TRIL: variants seen among roughly 807,000 people sequenced by gnomAD.
The protein encoded by TRIL is TLR4 interactor with leucine rich repeats.
In TRIL, 23 loss-of-function variants were observed where a neutral mutation model predicts 43.0. The observed-to-expected ratio is 0.54, with a 90% confidence interval of 0.39 to 0.76. The LOEUF (loss-of-function observed/expected upper bound fraction) is 0.76, where lower values mean the gene tolerates loss of function less well. Ranked by LOEUF, TRIL falls within the 30% of genes least tolerant of loss-of-function variation. The pLI is 0.00. For synonymous variants in TRIL, 602 were observed against 556.8 expected, an observed-to-expected ratio of 1.08 and a Z score of -1.14; for missense variants, 1,114 against 1,139.3, an observed-to-expected ratio of 0.98 and a Z score of 0.32.
Position 28,956,039 on chromosome 7 carries a change from A to C in TRIL, c.2008T>G (p.Cys670Gly). The C allele has an allele frequency of 6.5e-7, 1 of 1,550,118 alleles. No homozygotes were observed. Among genetic ancestry groups the C allele is most frequent in the East Asian group, 2.4e-5 (1 of 41,422 alleles). ...CAGTGGTCCCGGGGAGCCACAGGGCAGACACGGCCCCCAAGCACGCCCTCC... is the reference window on the plus strand; with the variant it reads ...CAGTGGTCCCGGGGAGCCACAGGGCCGACACGGCCCCCAAGCACGCCCTCC... ...CVEGVLGGRVCPVAPRDHCAG... is the reference protein window; with the variant it reads ...CVEGVLGGRVGPVAPRDHCAG... Residue 670 changes from cysteine to glycine, a missense_variant, in exon 1 of 1, where the codon TGC becomes GGC. Transcript: ENST00000539664.
Position 28,956,155 on chromosome 7 carries a change from G to C in TRIL, c.1892C>G (p.Pro631Arg). ...CAGGTAGACGAAGCGGTGGAACTTGGGCTGCTGGCCAAAGCGGTCAAAGAG... is the reference window on the plus strand; with the variant it reads ...CAGGTAGACGAAGCGGTGGAACTTGCGCTGCTGGCCAAAGCGGTCAAAGAG... ...RLLFDRFGQQPKFHRFVYLPE... is the reference protein window; with the variant it reads ...RLLFDRFGQQRKFHRFVYLPE... The change falls in exon 1 of 1, where the codon CCC (proline) becomes CGC (arginine). Residue 631 changes from proline to arginine, a missense_variant. Transcript: ENST00000539664. 6.4e-7 allele frequency: 1 copy of C among 1,574,100 alleles called. No individual in the cohort carries two copies.
Position 28,956,814 on chromosome 7 carries a change from A to G in TRIL, c.1233T>C (p.Asn411=). The G allele has an allele frequency of 1.2e-6, 2 of 1,611,244 alleles. No individual in the cohort carries two copies. Among genetic ancestry groups the G allele is most frequent in the Non-Finnish European group, 1.7e-6 (2 of 1,178,828 alleles). Residue 411 remains asparagine (N), a synonymous_variant, in exon 1 of 1, where the codon AAT becomes AAC. Transcript: ENST00000539664. ...AGGGCGAGGGATCCGCGCAGGATCCATTTTGCAGCTGCTGGTCATCCAGGT... is the reference window on the plus strand; with the variant it reads ...AGGGCGAGGGATCCGCGCAGGATCCGTTTTGCAGCTGCTGGTCATCCAGGT... ...LDYLDDQQLQ[N]GSCADPSPSA...
At position 28,953,829 on chromosome 7, in the gene TRIL, C is replaced by T. The variant is rs1411077927; in HGVS notation, c.*1782G>A. 6.6e-6 allele frequency: 1 copy of T among 152,358 alleles called. No homozygotes were observed. Among genetic ancestry groups the T allele is most frequent in the Admixed American group, 6.5e-5 (1 of 15,282 alleles). The allele number at this position is 152,358 out of a possible 1,614,324, so 9.4% of individuals were successfully genotyped here. On this transcript the variant is annotated 3_prime_UTR_variant, in exon 1 of 1. Coordinates refer to ENST00000539664, the MANE Select transcript of TRIL (RefSeq NM_014817.4). The stretch of plus-strand genomic sequence containing the variant: ...TAGTTTTAAGTGGTCTGGACATTTA[C>T]TCATTTGAACATAAACAACGATCAG...
Position 28,958,202 on chromosome 7 carries a change from C to T in TRIL, c.-156G>A. ...CCTCCTCCGTCCTTTGTCCGGAGGC[C>T]GGCCCGGGTCTCTGCAGGCGGGCTT... On this transcript the variant is annotated 5_prime_UTR_variant, in exon 1 of 1. Coordinates refer to ENST00000539664, the MANE Select transcript of TRIL (RefSeq NM_014817.4). 1.8e-6 allele frequency: 2 copies of T among 1,136,570 alleles called. No individual in the cohort carries two copies. The highest frequency in any genetic ancestry group is 1.9e-5 in the South Asian group (1 of 53,660). 70.4% of individuals were successfully genotyped at this position (1,136,570 alleles called of 1,614,324 possible). A position where few individuals can be genotyped will look rare whatever the true frequency, so the allele number is the denominator to read the frequency against.
chr7:28,954,078 C>T lies in TRIL; in HGVS notation c.*1533G>A, dbSNP rs970126630. The T allele has an allele frequency of 3.3e-5, 5 of 152,596 alleles. No homozygotes were observed. The highest frequency in any genetic ancestry group is 2.6e-4 in the Admixed American group (4 of 15,274). 9.5% of individuals were successfully genotyped at this position (152,596 alleles called of 1,614,324 possible). ...CCATGGTACTCCACTGCCAATAAATCCATAACCACTGTGACCATAACCACA... is the reference window on the plus strand; with the variant it reads ...CCATGGTACTCCACTGCCAATAAATTCATAACCACTGTGACCATAACCACA... On this transcript the variant is annotated 3_prime_UTR_variant, in exon 1 of 1. Coordinates refer to ENST00000539664, the MANE Select transcript of TRIL (RefSeq NM_014817.4).
In TRIL at chr7:28,956,037, G is replaced by A. The variant is rs1783395208; in HGVS notation, c.2010C>T (p.Cys670=). The A allele has an allele frequency of 2.6e-6, 4 of 1,549,660 alleles. No individual in the cohort carries two copies. The highest frequency in any genetic ancestry group is 1.4e-5 in the African/African-American group (1 of 73,416). Residue 670 remains cysteine (C), a synonymous_variant, in exon 1 of 1, where the codon TGC becomes TGT. Transcript: ENST00000539664. ...CGCAGTGGTCCCGGGGAGCCACAGG[G>A]CAGACACGGCCCCCAAGCACGCCCT... The part of the protein sequence containing the change: ...CVEGVLGGRV[C]PVAPRDHCAG...
Position 28,956,685 on chromosome 7 carries a change from C to T in TRIL, c.1362G>A (p.Pro454=). ...AGLAEELPPQ[P]QLQQQGRFLA... is the part of the protein sequence containing the mutation. ...GAAATCGCCCCTGCTGCTGGAGCTG[C>T]GGCTGCGGCGGCAGCTCCTCCGCGA... The change falls in exon 1 of 1, where the codon CCG becomes CCA. Residue 454 remains proline, a synonymous_variant. Transcript: ENST00000539664. The T allele has an allele frequency of 6.3e-7, 1 of 1,583,132 alleles. No individual in the cohort carries two copies. The highest frequency in any genetic ancestry group is 8.6e-7 in the Non-Finnish European group (1 of 1,168,742).
At position 28,956,310 on chromosome 7, in the gene TRIL, T is replaced by TGGGTCGGACACCAGCGGCGGC; in HGVS notation, c.1716_1736dup (p.Pro573_Pro579dup). On this transcript the variant is annotated inframe_insertion, in exon 1 of 1. Transcript: ENST00000539664. ...ACAGAATGAACTTGTTGAAGTCGCATGGGTCGGACACCAGCGGCGGCAGCC... is the reference window on the plus strand; with the variant it reads ...ACAGAATGAACTTGTTGAAGTCGCATGGGTCGGACACCAGCGGCGGCGGGTCGGACACCAGCGGCGGCAGCC... 1.3e-6 allele frequency: 2 copies of TGGGTCGGACACCAGCGGCGGC among 1,542,322 alleles called. No individual in the cohort carries two copies. Among genetic ancestry groups the TGGGTCGGACACCAGCGGCGGC allele is most frequent in the South Asian group, 2.4e-5 (2 of 83,818 alleles).
chr7:28,956,458 G>C lies in TRIL; in HGVS notation c.1589C>G (p.Pro530Arg). 1 of 1,547,310 alleles carries C rather than the reference G, an allele frequency of 6.5e-7. No homozygotes were observed. The highest frequency in any genetic ancestry group is 2.4e-5 in the East Asian group (1 of 41,626). The change falls in exon 1 of 1, where the codon CCC becomes CGC. Residue 530 changes from proline (P) to arginine (R), a missense_variant. Transcript: ENST00000539664. Reference sequence around the variant, plus strand: ...AGAGCCAGGAGAGGCCGTTGGGGTGGGCTCCGCGAGGGCGGGATCTGCCCG... The same window carrying C: ...AGAGCCAGGAGAGGCCGTTGGGGTGCGCTCCGCGAGGGCGGGATCTGCCCG... ...PTRADPALAE[P>R]TPTASPGSAP... is the part of the protein sequence containing the mutation.
chr7:28,955,512 G>T lies in TRIL; in HGVS notation c.*99C>A, dbSNP rs1783382869. ...CCCTCTGTCCCCACCGGCCTCTCTG[G>T]CAAGTGCACAAAACGGCACTTCCCC... On this transcript the variant is annotated 3_prime_UTR_variant, in exon 1 of 1. Transcript: ENST00000539664. 5 of 1,424,084 alleles carry T rather than the reference G, an allele frequency of 3.5e-6. No homozygotes were observed. In the African/African-American group the frequency reaches 5.8e-5, roughly 16 times the overall value. 88.2% of individuals were successfully genotyped at this position (1,424,084 alleles called of 1,614,324 possible). A position where few individuals can be genotyped will look rare whatever the true frequency, so the allele number is the denominator to read the frequency against.
In TRIL at chr7:28,957,594, G is replaced by C; in HGVS notation, c.453C>G (p.Phe151Leu). The change falls in exon 1 of 1, where the codon TTC becomes TTG. Residue 151 changes from phenylalanine (F) to leucine (L), a missense_variant. Physicochemically the swap from Phe to Leu is conservative, Grantham distance 22 (BLOSUM62 0). Coordinates refer to ENST00000539664, the MANE Select transcript of TRIL (RefSeq NM_014817.4). ...GCTTGACTAGACTCTCCAGGCCCTC[G>C]AAGGAGCCGCGGCTTAGGCGGCTGA... ...NEISRLSRGS[F>L]EGLESLVKLR... The C allele has an allele frequency of 6.2e-7, 1 of 1,612,110 alleles. No individual in the cohort carries two copies. The highest frequency in any genetic ancestry group is 8.5e-7 in the Non-Finnish European group (1 of 1,179,346).
Position 28,956,482 on chromosome 7 carries a change from C to G in TRIL, c.1565G>C (p.Arg522Pro). 1.9e-6 allele frequency: 3 copies of G among 1,562,740 alleles called. No homozygotes were observed. Among genetic ancestry groups the G allele is most frequent in the Non-Finnish European group, 1.7e-6 (2 of 1,162,252 alleles). ...GGGCTCCGCGAGGGCGGGATCTGCC[C>G]GAGTCGGACGGCCCCGCTGGGGCTT... ...HKKPQRGRPT[R>P]ADPALAEPTP... Residue 522 changes from arginine (R) to proline (P), a missense_variant, in exon 1 of 1, where the codon CGG (arginine) becomes CCG (proline). Physicochemically the swap from Arg to Pro is moderately radical, Grantham distance 103 (BLOSUM62 -2). Coordinates refer to ENST00000539664, the MANE Select transcript of TRIL (RefSeq NM_014817.4).
In TRIL at chr7:28,956,745, C is replaced by G; in HGVS notation, c.1302G>C (p.Thr434=). 6.2e-7 allele frequency: 1 copy of G among 1,606,904 alleles called. No individual in the cohort carries two copies. The highest frequency in any genetic ancestry group is 2.2e-5 in the East Asian group (1 of 44,804). ...GTGGCGTCATCTCCTCCCCTGCGGCCGTGGGTAGGGGCTGCCGCCTGCGGT... is the reference window on the plus strand; with the variant it reads ...GTGGCGTCATCTCCTCCCCTGCGGCGGTGGGTAGGGGCTGCCGCCTGCGGT... ...TADRRRQPLP[T]AAGEEMTPPA... Residue 434 remains threonine (T), a synonymous_variant, in exon 1 of 1, where the codon ACG becomes ACC. Transcript: ENST00000539664.
Position 28,957,760 on chromosome 7 carries a change from C to G in TRIL, c.287G>C (p.Arg96Pro). 6.2e-7 allele frequency: 1 copy of G among 1,613,914 alleles called. No individual in the cohort carries two copies. ...RRLDLQYNQI[R>P]SLHPKTFEKL... ...CTCGAAGGTCTTGGGGTGCAGAGAG[C>G]GGATCTGGTTGTACTGCAGGTCCAG... The change falls in exon 1 of 1, where the codon CGC (arginine) becomes CCC (proline). Residue 96 changes from arginine to proline, a missense_variant. Physicochemically the swap from Arg to Pro is moderately radical, Grantham distance 103. Transcript: ENST00000539664.
chr7:28,957,070 C>T lies in TRIL; in HGVS notation c.977G>A (p.Arg326Gln). Residue 326 changes from arginine (R) to glutamine (Q), a missense_variant, in exon 1 of 1, where the codon CGG becomes CAG. By Grantham distance (43) the Arg-to-Gln change is conservative. Coordinates refer to ENST00000539664, the MANE Select transcript of TRIL (RefSeq NM_014817.4). ...GTTGCGCAGGCTGAGCTCGCGCAGCCGGCCCAGGTGGCCGAAGGTGGCCGG... is the reference window on the plus strand; with the variant it reads ...GTTGCGCAGGCTGAGCTCGCGCAGCTGGCCCAGGTGGCCGAAGGTGGCCGG... ...LHPATFGHLG[R>Q]LRELSLRNNA... 5 of 1,575,236 alleles carry T rather than the reference C, an allele frequency of 3.2e-6. No individual in the cohort carries two copies. Among genetic ancestry groups the T allele is most frequent in the Non-Finnish European group, 3.4e-6 (4 of 1,163,788 alleles).
In TRIL at chr7:28,957,806, G is replaced by A. The variant is rs1783431757; in HGVS notation, c.241C>T (p.Arg81Cys). The change falls in exon 1 of 1, where the codon CGT becomes TGT. Residue 81 changes from arginine (R) to cysteine (C), a missense_variant. Coordinates refer to ENST00000539664, the MANE Select transcript of TRIL (RefSeq NM_014817.4). ...TCCAGCCGTCTGAGCTGCCCCAGAC[G>A]GTGGAAGTCGAAGGCCGTGATGTTG... Reference protein sequence around the residue: ...ITNITAFDFHRLGQLRRLDLQ... With the variant: ...ITNITAFDFHCLGQLRRLDLQ... 5 of 1,613,764 alleles carry A rather than the reference G, an allele frequency of 3.1e-6. No homozygotes were observed. The highest frequency in any genetic ancestry group is 4.2e-6 in the Non-Finnish European group (5 of 1,179,684).
Position 28,958,307 on chromosome 7 carries a change from T to A in TRIL, c.-261A>T. On this transcript the variant is annotated 5_prime_UTR_variant, in exon 1 of 1. Coordinates refer to ENST00000539664, the MANE Select transcript of TRIL (RefSeq NM_014817.4). ...TTGCATTTCTGTATAAAACTGTTTC[T>A]CCGGGTGCGCGTCGGCGGGCGGGAG... 2.3e-6 allele frequency: 1 copy of A among 434,600 alleles called. No homozygotes were observed. 26.9% of individuals were successfully genotyped at this position (434,600 alleles called of 1,614,324 possible). A position where few individuals can be genotyped will look rare whatever the true frequency, so the allele number is the denominator to read the frequency against.
chr7:28,955,694 C>G lies in TRIL; in HGVS notation c.2353G>C (p.Asp785His). The change falls in exon 1 of 1, where the codon GAC (aspartate) becomes CAC (histidine). Residue 785 changes from aspartate to histidine, a missense_variant. Asp to His is a moderately conservative substitution (Grantham distance 81). Coordinates refer to ENST00000539664, the MANE Select transcript of TRIL (RefSeq NM_014817.4). ...CCGCCCGCACTGTCCATGAAGCGGTCGCAGGGGAATTCGATGAGGTCCGCC... is the reference window on the plus strand; with the variant it reads ...CCGCCCGCACTGTCCATGAAGCGGTGGCAGGGGAATTCGATGAGGTCCGCC... Reference protein sequence around the residue: ...SEADLIEFPCDRFMDSAGGGA... With the variant: ...SEADLIEFPCHRFMDSAGGGA... The G allele has an allele frequency of 1.3e-6, 2 of 1,549,874 alleles. No homozygotes were observed. The highest frequency in any genetic ancestry group is 1.7e-6 in the Non-Finnish European group (2 of 1,146,948).
Position 28,958,014 on chromosome 7 carries a change from G to A in TRIL, c.33C>T (p.Leu11=), listed in dbSNP as rs755385398. 1 of 1,586,958 alleles carries A rather than the reference G, an allele frequency of 6.3e-7. No individual in the cohort carries two copies. The highest frequency in any genetic ancestry group is 8.5e-7 in the Non-Finnish European group (1 of 1,172,986). MEAARALRLL[L]VVCGCLALPP... ...GGAGCGCGAGGCAGCCGCACACCAC[G>A]AGCAGGAGGCGCAAGGCGCGGGCAG... is the stretch of plus-strand genomic sequence containing the variant. Residue 11 remains leucine, a synonymous_variant, in exon 1 of 1, where the codon CTC becomes CTT. Coordinates refer to ENST00000539664, the MANE Select transcript of TRIL (RefSeq NM_014817.4).
Sources: allele counts gnomAD v4.1 joint callset, GRCh38; gene constraint gnomAD v4.1.1; transcripts MANE v1.5; gene names NCBI Gene and HGNC (gene_info 2026-07-23, HGNC 2026-07-21).